The following ADAM28 variants were observed in gnomAD, a reference collection of about 807,000 sequenced individuals.
ADAM28 encodes the protein disintegrin and metalloproteinase domain-containing protein 28.
Under a neutral mutation model 101.2 loss-of-function variants are expected in ADAM28, and 105 were observed. The observed-to-expected ratio is 1.04, with a 90% CI of 0.89 to 1.22. The LOEUF (loss-of-function observed/expected upper bound fraction) is 1.22. Among genes scored for constraint, ADAM28 ranks in the 50% most tolerant of loss-of-function variants. The pLI is 0.00. For synonymous variants in ADAM28, 322 were observed against 310.6 expected (o/e 1.04, Z -0.39); for missense variants, 1,028 against 945.4 (o/e 1.09, Z -1.15).
chr8:24,339,545 C>T lies in ADAM28; in HGVS notation c.1647C>T (p.Asp549=), dbSNP rs771278938. The T allele has an allele frequency of 1.9e-5, 30 of 1,612,210 alleles. No individual in the cohort carries two copies. The highest frequency in any genetic ancestry group is 5.0e-5 in the Admixed American group (3 of 59,830). The change falls in exon 15 of 23, where the codon GAC becomes GAT. Residue 549 remains aspartate (D), a synonymous_variant. Transcript: ENST00000265769. ...ACGGGTACTGTCGCAGAGTGGATGACACACTCATTCCCTGCAAAGCAAAGT... is the reference window on the plus strand; with the variant it reads ...ACGGGTACTGTCGCAGAGTGGATGATACACTCATTCCCTGCAAAGCAAAGT... ...SKYGYCRRVD[D]TLIPCKANDT...
chr8:24,328,913 C>T (rs1336437888), intron 10 of ADAM28, among the ~76,000 whole-genome samples: 4 of 145,896 alleles, frequency 2.7e-5, no homozygotes, highest in African/African-American at 1.0e-4. Context: ...AAGAGTGAGA[C>T]ACAGTCTCAA....
rs549316816 is a variant in ADAM28, at chr8:24,309,550, A to T, written c.151-344A>T. Among the ~76,000 whole-genome samples, 3 of 152,298 alleles carry T rather than the reference A, an allele frequency of 2.0e-5. No homozygotes were observed. The East Asian group carries it at 5.8e-4, about 29-fold the overall frequency. On this transcript the variant is annotated intron_variant, in intron 2 of 22. Transcript: ENST00000265769. ...ACCTCATTGTCTGTCTTTTCACAAG[A>T]TCATAAGCTCTCTGACAGTACGTAC...
chr8:24,316,161 G>T (rs780796588), intron 6 of ADAM28, among the ~76,000 whole-genome samples: 8 of 150,950 alleles, frequency 5.3e-5, no homozygotes, highest in African/African-American at 1.5e-4. Context: ...CTTGATTTAG[G>T]ATATTTGTAA....
chr8:24,317,006 A>G (rs1385828922), intron 6 of ADAM28, among the ~76,000 whole-genome samples: 1 of 152,020 alleles, frequency 6.6e-6, no homozygotes, highest in Non-Finnish European at 1.5e-5. Context: ...TAAGGAGGTG[A>G]AAGACCTGTA....
At chr8:24,330,639 A>C (rs1813247627) in intron 11 of ADAM28, among the ~76,000 whole-genome samples, 1 of 151,924 alleles carries the variant, frequency 6.6e-6, no homozygotes, top group South Asian at 2.1e-4. Context: ...TTCTATTTTC[A>C]TTTCCTCCCT....
In ADAM28 at chr8:24,294,086, G is replaced by A. The variant is rs758262553; in HGVS notation, c.-64G>A. ...TCTGTCTCACTGGAGAGGAGGCAGG[G>A]ACAGACCCAGCAGCACCCACCTGAG... On this transcript the variant is annotated 5_prime_UTR_variant, in exon 1 of 23. Coordinates refer to ENST00000265769, the MANE Select transcript of ADAM28 (RefSeq NM_014265.6). 7 of 1,573,968 alleles carry A rather than the reference G, an allele frequency of 4.4e-6. No individual in the cohort carries two copies. The South Asian group carries it at 6.6e-5, about 15-fold the overall frequency.
intron 15 of ADAM28, 96 bp from the exon 16 acceptor site, chr8:24,341,502 C>G: frequency 7.8e-7 from 1 of 1,286,396 alleles, no homozygotes; most frequent in Non-Finnish European, 1.1e-6. Context: ...GTCTCGGCTA[C>G]AGGGAAAAAT....
Position 24,332,792 on chromosome 8 carries a change from T to C in ADAM28, c.1371+43T>C, listed in dbSNP as rs201156237. ...TATTTTAATAATTATGATTACATTT[T>C]TATACATTAACATCTCAGTGATTAT... On this transcript the variant is annotated intron_variant, in intron 13 of 22. Transcript: ENST00000265769. The C allele has an allele frequency of 7.3e-6, 8 of 1,103,350 alleles. No individual in the cohort carries two copies. The East Asian group carries it at 2.3e-4, about 32-fold the overall frequency. The allele number at this position is 1,103,350 out of a possible 1,614,324, so 68.3% of individuals were successfully genotyped here. A position where few individuals can be genotyped will look rare whatever the true frequency, so the allele number is the denominator to read the frequency against.
Position 24,311,449 on chromosome 8 carries a change from G to A in ADAM28, c.383+12G>A. On this transcript the variant is annotated intron_variant, in intron 5 of 22. Coordinates refer to ENST00000265769, the MANE Select transcript of ADAM28 (RefSeq NM_014265.6). Reference sequence around the variant, plus strand: ...TGTAGGGGTCTAAGGTAAGACTTCAGGAATGTTTTGCATGTACCTGTGATT... The same window carrying A: ...TGTAGGGGTCTAAGGTAAGACTTCAAGAATGTTTTGCATGTACCTGTGATT... The A allele has an allele frequency of 1.9e-6, 3 of 1,607,198 alleles. No homozygotes were observed. The South Asian group carries it at 3.3e-5, about 18-fold the overall frequency.
In ADAM28 at chr8:24,343,627, C is replaced by T. The variant is rs370703036; in HGVS notation, c.1990+43C>T. The T allele has an allele frequency of 2.1e-5, 32 of 1,546,960 alleles. No homozygotes were observed. In the African/African-American group the frequency reaches 2.9e-4, roughly 14 times the overall value. ...TCTAACCTGAGAAAATTGCTCTCCT[C>T]TTCCAAGCCTTTATTTTGTATTATA... On this transcript the variant is annotated intron_variant, in intron 18 of 22. Transcript: ENST00000265769.
At chr8:24,349,194 A>G (rs1466298772) in intron 18 of ADAM28, among the ~76,000 whole-genome samples, 1 of 152,160 alleles carries the variant, frequency 6.6e-6, no homozygotes, top group African/African-American at 2.4e-5. Flanking sequence ...ATTGCTTTTC[A>G]ATCTTTTCCT....
In ADAM28 at chr8:24,354,514, A is replaced by G; in HGVS notation, c.*110A>G. Reference sequence around the variant, plus strand: ...CTCACCAGTATTTGCTCTCGACTCAAGAAGGTTAACATTTTCTGATTCATG... The same window carrying G: ...CTCACCAGTATTTGCTCTCGACTCAGGAAGGTTAACATTTTCTGATTCATG... On this transcript the variant is annotated 3_prime_UTR_variant, in exon 23 of 23. Coordinates refer to ENST00000265769, the MANE Select transcript of ADAM28 (RefSeq NM_014265.6). 1 of 1,320,340 alleles carries G rather than the reference A, an allele frequency of 7.6e-7. No individual in the cohort carries two copies. Among genetic ancestry groups the G allele is most frequent in the Non-Finnish European group, 1.0e-6 (1 of 973,394 alleles). The allele number at this position is 1,320,340 out of a possible 1,614,324, so 81.8% of individuals were successfully genotyped here. A position where few individuals can be genotyped will look rare whatever the true frequency, so the allele number is the denominator to read the frequency against.
At chr8:24,339,388 T>C in intron 14 of ADAM28, 78 bp from the exon 15 acceptor site, 1 of 1,165,560 alleles carries the variant, frequency 8.6e-7, no homozygotes, top group Non-Finnish European at 1.2e-6. Flanking sequence ...ACTGAATCTT[T>C]AAAATCTTTT....
intron 14 of ADAM28, among the ~76,000 whole-genome samples, chr8:24,338,053 A>C (rs1814304015): frequency 6.6e-6 from 1 of 152,234 alleles, no homozygotes; most frequent in Non-Finnish European, 1.5e-5. Flanking sequence ...GCTGGTAAAT[A>C]CACAAGTTAG....
intron 2 of ADAM28, chr8:24,308,678 C>T (rs1427371408): frequency 8.8e-6 from 4 of 456,122 alleles, no homozygotes; most frequent in East Asian, 1.4e-4. Flanking sequence ...GTCCATCAAC[C>T]TCTACTTATC....
intron 8 of ADAM28, among the ~76,000 whole-genome samples, chr8:24,322,986 T>A (rs1358413965): frequency 6.6e-6 from 1 of 151,972 alleles, no homozygotes; most frequent in Non-Finnish European, 1.5e-5. Flanking sequence ...GTTCAATCCA[T>A]GTTTAAGATT....
At chr8:24,349,296 T>C (rs1473983175) in intron 18 of ADAM28, among the ~76,000 whole-genome samples, 3 of 152,184 alleles carry the variant, frequency 2.0e-5, no homozygotes, top group Non-Finnish European at 2.9e-5. Flanking sequence ...AATTTGTCAG[T>C]ACAAGAAAAA....
chr8:24,343,148 A>C lies in ADAM28; in HGVS notation c.1878A>C (p.Ser626=). 6.2e-7 allele frequency: 1 copy of C among 1,613,862 alleles called. No homozygotes were observed. The highest frequency in any genetic ancestry group is 8.5e-7 in the Non-Finnish European group (1 of 1,179,828). ...TGGATATTGAGAAAGCCTACAAATC[A>C]ACCAATTGCTCATCTAAGTGCAAAG... ...ECVDIEKAYK[S]TNCSSKCKGH... Residue 626 remains serine (S), a synonymous_variant, in exon 17 of 23, where the codon TCA becomes TCC. Coordinates refer to ENST00000265769, the MANE Select transcript of ADAM28 (RefSeq NM_014265.6).
At chr8:24,352,943 T>C (rs1420137073) in intron 21 of ADAM28, among the ~76,000 whole-genome samples, 1 of 152,144 alleles carries the variant, frequency 6.6e-6, no homozygotes, top group African/African-American at 2.4e-5. Context: ...AGATAGTCAT[T>C]GGTGAATTTT....
Sources: gnomAD v4.1 joint callset for allele counts (sites outside exome capture counted in the v4.1 genomes callset) on GRCh38, gnomAD v4.1.1 for gene constraint, MANE v1.5 for transcripts, NCBI Gene and HGNC (gene_info 2026-07-23, HGNC 2026-07-21) for gene names.